C11orf65: variants seen among roughly 807,000 people sequenced by gnomAD.
C11orf65 encodes chromosome 11 open reading frame 65, also known as protein MFI.
In C11orf65, 38 loss-of-function variants were observed where a neutral mutation model predicts 35.3. That is an observed-to-expected ratio of 1.08 (90% confidence interval 0.83 to 1.41). C11orf65 has a LOEUF of 1.41. Ranked by LOEUF, C11orf65 falls within the 40% of genes most tolerant of loss-of-function variation. The probability of loss-of-function intolerance (pLI) is 0.00; values close to 1 mark genes in which losing one functional copy is unlikely to be tolerated. For missense variants in C11orf65, 370 were observed against 367.1 expected (o/e 1.01, Z -0.06); for synonymous variants, 105 against 114.4 (o/e 0.92, Z 0.53).
intron 2 of C11orf65, chr11:108,347,147 C>T (rs2088518992): frequency 8.0e-6 from 6 of 754,102 alleles, no homozygotes; most frequent in Middle Eastern, 2.9e-4. Flanking sequence ...TTATGCACAT[C>T]ATTTAAGTAG....
In C11orf65 at chr11:108,365,197, A is replaced by G. The variant is rs1555151490; in HGVS notation, c.226+28011T>C. 6.2e-7 allele frequency: 1 copy of G among 1,614,206 alleles called. No homozygotes were observed. The highest frequency in any genetic ancestry group is 1.1e-5 in the South Asian group (1 of 91,082). On this transcript the variant is annotated intron_variant, in intron 2 of 3. Transcript: ENST00000524755. Reference sequence around the variant, plus strand: ...CACCCTACTCTGAATGCAGATGACCAAGAATGCAAACGAAATCTCAGGTGA... The same window carrying G: ...CACCCTACTCTGAATGCAGATGACCGAGAATGCAAACGAAATCTCAGGTGA...
intron 6 of C11orf65, among the ~76,000 whole-genome samples, chr11:108,399,111 T>A (rs1042629888): frequency 2.6e-5 from 4 of 152,076 alleles, no homozygotes; most frequent in African/African-American, 9.7e-5. Context: ...CCTGGCCACT[T>A]TGGACAAGAC....
intron 3 of C11orf65, among the ~76,000 whole-genome samples, chr11:108,428,802 A>G (rs1333639635): frequency 6.6e-6 from 1 of 152,190 alleles, no homozygotes; most frequent in Non-Finnish European, 1.5e-5. Flanking sequence ...CCCAGAACTT[A>G]AAGTATTAAA....
intron 2 of C11orf65, among the ~76,000 whole-genome samples, chr11:108,444,853 G>A (rs1399899501): frequency 6.6e-6 from 1 of 152,174 alleles, no homozygotes; most frequent in Non-Finnish European, 1.5e-5. Context: ...CCCTTTCCTA[G>A]TCAAAGAAAG....
intron 6 of C11orf65, chr11:108,326,358 C>A: frequency 8.1e-7 from 1 of 1,235,700 alleles, no homozygotes; most frequent in Non-Finnish European, 1.1e-6. Context: ...TATTGTAAAA[C>A]TAGTCTTGAA....
intron 3 of C11orf65, among the ~76,000 whole-genome samples, chr11:108,426,985 T>C (rs539183752): frequency 2.6e-5 from 4 of 152,316 alleles, no homozygotes; most frequent in Admixed American, 1.3e-4. Context: ...GCTAGCCATA[T>C]GCAGAAAACT....
chr11:108,316,686 G>C (rs1424472115), intron 6 of C11orf65, among the ~76,000 whole-genome samples: 1 of 145,132 alleles, frequency 6.9e-6, no homozygotes, highest in Admixed American at 7.3e-5. Flanking sequence ...GAGGCGAGCA[G>C]ATCACGAGGT....
intron 2 of C11orf65, among the ~76,000 whole-genome samples, chr11:108,356,566 A>G (rs1411351547): frequency 6.6e-6 from 1 of 151,674 alleles, no homozygotes; most frequent in Non-Finnish European, 1.5e-5. Flanking sequence ...AAAAAGCCCA[A>G]ACTTTTCAAA....
intron 2 of C11orf65, among the ~76,000 whole-genome samples, chr11:108,362,503 T>G (rs1435848015): frequency 6.7e-6 from 1 of 149,502 alleles, no homozygotes; most frequent in African/African-American, 2.4e-5. Flanking sequence ...TGCACACGTA[T>G]GTTTATTGCG....
In C11orf65 at chr11:108,407,096, T is replaced by G; in HGVS notation, c.228A>C (p.Gly76=). The change falls in exon 4 of 9, where the codon GGA becomes GGC. Residue 76 remains glycine, a splice_region_variant and synonymous_variant. Coordinates refer to ENST00000393084, the MANE Select transcript of C11orf65 (RefSeq NM_152587.5). The part of the protein sequence containing the change: ...AGIHVRFRLG[G]VKFPPDIYYK... The stretch of plus-strand genomic sequence containing the variant: ...TAAATAAGCATTCATCCATACTTAC[T>G]CCACCTAATCTGAATCGCACATGAA... 3.1e-6 allele frequency: 5 copies of G among 1,609,820 alleles called. No individual in the cohort carries two copies. Among genetic ancestry groups the G allele is most frequent in the Non-Finnish European group, 4.2e-6 (5 of 1,176,816 alleles).
At chr11:108,408,617 A>T (rs2092590444) in intron 3 of C11orf65, among the ~76,000 whole-genome samples, 1 of 151,426 alleles carries the variant, frequency 6.6e-6, no homozygotes, top group Non-Finnish European at 1.5e-5. Context: ...TGGAGGCTTC[A>T]GTGAGCAGAG....
chr11:108,425,806 A>G (rs2092893627), intron 3 of C11orf65, among the ~76,000 whole-genome samples: 1 of 152,218 alleles, frequency 6.6e-6, no homozygotes, highest in African/African-American at 2.4e-5. Context: ...ACCACGATCA[A>G]GTCGGCTTCA....
intron 7 of C11orf65, 135 bp from the exon 8 acceptor site, chr11:108,386,110 A>T (rs113995): frequency 0.56 from 398,760 of 706,398 alleles, 114,279 homozygotes; most frequent in Middle Eastern, 0.73. Flanking sequence ...GTAACTCTCA[A>T]GACTTTCTCA....
intron 2 of C11orf65, among the ~76,000 whole-genome samples, chr11:108,376,018 C>A (rs1452004588): frequency 1.3e-5 from 2 of 152,134 alleles, no homozygotes; most frequent in African/African-American, 4.8e-5. Context: ...GAGACTTAGA[C>A]TCCCACACAA....
intron 2 of C11orf65, among the ~76,000 whole-genome samples, chr11:108,357,237 C>T (rs1243770465): frequency 6.7e-6 from 1 of 149,172 alleles, no homozygotes; most frequent in East Asian, 2.0e-4. Context: ...CTTTTTGGAC[C>T]GGCTTAAAAA....
chr11:108,316,217 G>GTTCT, intron 6 of C11orf65: 1 of 1,074,556 alleles, frequency 9.3e-7, no homozygotes, highest in Non-Finnish European at 1.4e-6. Flanking sequence ...CTAGAGATAA[G>GTTCT]ACTAGAACTT....
chr11:108,368,071 C>T lies in C11orf65; in HGVS notation c.226+25137G>A, dbSNP rs146547907. On this transcript the variant is annotated intron_variant, in intron 2 of 3. Transcript: ENST00000524755. ...ATAACATCATTAATCTACTCTTTAG[C>T]CTTGCATGGTATGCTATGAGGCTCC... 3.8e-4 allele frequency: 79 copies of T among 208,464 alleles called. No individual in the cohort carries two copies. The East Asian group carries it at 5.5e-3, about 15-fold the overall frequency. The allele number at this position is 208,464 out of a possible 1,614,324, so 12.9% of individuals were successfully genotyped here. A position where few individuals can be genotyped will look rare whatever the true frequency, so the allele number is the denominator to read the frequency against.
At chr11:108,362,372 A>G (rs1054883788) in intron 2 of C11orf65, among the ~76,000 whole-genome samples, 117 of 151,800 alleles carry the variant, frequency 7.7e-4, no homozygotes, top group African/African-American at 2.5e-3. Flanking sequence ...TAGTTCAACC[A>G]TTGTGGAAGT....
intron 3 of C11orf65, among the ~76,000 whole-genome samples, chr11:108,334,363 TTAAG>T (rs544924763): frequency 2.6e-4 from 40 of 152,344 alleles, no homozygotes; most frequent in Admixed American, 5.2e-4. Context: ...TATCACAGTA[TTAAG>T]TAATATAGTA....
Sources: gnomAD v4.1 joint callset for allele counts (sites outside exome capture counted in the v4.1 genomes callset) on GRCh38, gnomAD v4.1.1 for gene constraint, MANE v1.5 for transcripts, NCBI Gene and HGNC (gene_info 2026-07-23, HGNC 2026-07-21) for gene names.